Variants in CFAP54 observed in about 807,000 individuals in gnomAD.
CFAP54 encodes the protein cilia and flagella associated protein 54.
Under a neutral mutation model 370.4 loss-of-function variants are expected in CFAP54, and 290 were observed. The ratio of observed to expected loss-of-function variants is 0.78; its 90% confidence interval spans 0.71 to 0.86. CFAP54 has a LOEUF of 0.86. CFAP54 is among the 40% of genes least tolerant of loss of function. The pLI is 0.00. For missense variants in CFAP54, 3,399 were observed against 3,528.7 expected (o/e 0.96, Z 0.93); for synonymous variants, 1,206 against 1,236.5 (o/e 0.98, Z 0.52).
In CFAP54 at chr12:96,507,104, A is replaced by G. The variant is rs1955110677; in HGVS notation, c.739+5A>G. ...TTTGCTGGATTATCTTCAATGGTATATGCTGATGTATTTTATTTTCCATTG... is the reference window on the plus strand; with the variant it reads ...TTTGCTGGATTATCTTCAATGGTATGTGCTGATGTATTTTATTTTCCATTG... On this transcript the variant is annotated splice_donor_5th_base_variant and intron_variant, in intron 4 of 67. Transcript: ENST00000524981. 1.3e-6 allele frequency: 2 copies of G among 1,491,134 alleles called. No individual in the cohort carries two copies. The highest frequency in any genetic ancestry group is 8.9e-7 in the Non-Finnish European group (1 of 1,127,670). 92.4% of individuals were successfully genotyped at this position (1,491,134 alleles called of 1,614,324 possible).
chr12:96,763,800 T>G (rs944873194), intron 58 of CFAP54, among the ~76,000 whole-genome samples: 1 of 152,152 alleles, frequency 6.6e-6, no homozygotes, highest in Admixed American at 6.5e-5. Context: ...TATATAATTT[T>G]TGTTAACTTA....
intron 38 of CFAP54, among the ~76,000 whole-genome samples, chr12:96,663,187 T>C (rs1026212584): frequency 8.5e-5 from 13 of 152,150 alleles, no homozygotes; most frequent in African/African-American, 3.1e-4. Flanking sequence ...CTTCTCATTA[T>C]AAAAGTACTA....
chr12:96,572,393 G>T (rs868790272), intron 19 of CFAP54, among the ~76,000 whole-genome samples: 1 of 152,062 alleles, frequency 6.6e-6, no homozygotes, highest in Non-Finnish European at 1.5e-5. Flanking sequence ...TGAAATGCGT[G>T]GGCAATTCTG....
chr12:96,609,290 GAA>G (rs1280653234), intron 26 of CFAP54, among the ~76,000 whole-genome samples: 4 of 152,128 alleles, frequency 2.6e-5, no homozygotes, highest in Admixed American at 6.5e-5. Context: ...AATTGAGTCT[GAA>G]TTAAAACAAA....
At chr12:96,556,677 A>T (rs1402518691) in intron 17 of CFAP54, among the ~76,000 whole-genome samples, 1 of 152,228 alleles carries the variant, frequency 6.6e-6, no homozygotes, top group Non-Finnish European at 1.5e-5. Flanking sequence ...GGTAGACTGG[A>T]TAAAGAAAAC....
intron 1 of CFAP54, among the ~76,000 whole-genome samples, chr12:96,494,070 C>T (rs776748327): frequency 6.6e-6 from 1 of 151,950 alleles, no homozygotes; most frequent in Non-Finnish European, 1.5e-5. Context: ...ATTTGACTAG[C>T]CAAACAGAGA....
At chr12:96,839,528 C>T (rs376110911) in intron 66 of CFAP54, among the ~76,000 whole-genome samples, 6 of 152,238 alleles carry the variant, frequency 3.9e-5, no homozygotes, top group East Asian at 3.8e-4. Context: ...CTTTCAACCA[C>T]GCATCTTCCC....
intron 66 of CFAP54, among the ~76,000 whole-genome samples, chr12:96,836,644 C>T (rs557480345): frequency 9.2e-5 from 14 of 152,238 alleles, no homozygotes; most frequent in Non-Finnish European, 2.1e-4. Flanking sequence ...TTTTCTCAAG[C>T]TCCTGTTGAA....
chr12:96,492,169 T>C (rs1360732706), intron 1 of CFAP54, among the ~76,000 whole-genome samples: 1 of 152,246 alleles, frequency 6.6e-6, no homozygotes, highest in African/African-American at 2.4e-5. Flanking sequence ...GCAGCCACTC[T>C]GTCTCCAATC....
intron 15 of CFAP54, among the ~76,000 whole-genome samples, chr12:96,549,065 A>C (rs1955668603): frequency 6.6e-6 from 1 of 152,210 alleles, no homozygotes; most frequent in South Asian, 2.1e-4. Context: ...CATGTTAGCC[A>C]GGATGGTCTC....
chr12:96,512,797 T>A (rs1955188020), intron 4 of CFAP54, among the ~76,000 whole-genome samples, 189 bp from the exon 5 acceptor site: 1 of 152,242 alleles, frequency 6.6e-6, no homozygotes, highest in Non-Finnish European at 1.5e-5. Flanking sequence ...ACGGCCATGT[T>A]AATTATTTTA....
chr12:96,854,877 T>C (rs1959656937), intron 66 of CFAP54, among the ~76,000 whole-genome samples: 1 of 152,198 alleles, frequency 6.6e-6, no homozygotes, highest in Non-Finnish European at 1.5e-5. Context: ...TGGGGCTTTG[T>C]TGTACAGATT....
chr12:96,722,438 G>A (rs1407538434), intron 50 of CFAP54, among the ~76,000 whole-genome samples: 1 of 152,250 alleles, frequency 6.6e-6, no homozygotes, highest in South Asian at 2.1e-4. Flanking sequence ...CCTGATACAT[G>A]TTTGAGGGAC....
At chr12:96,714,592 G>C (rs990764717) in intron 48 of CFAP54, among the ~76,000 whole-genome samples, 2 of 152,022 alleles carry the variant, frequency 1.3e-5, no homozygotes, top group African/African-American at 4.8e-5. Flanking sequence ...AGGAAGGAGT[G>C]ATCAATTGAA....
At chr12:96,708,520 C>A in intron 47 of CFAP54, 88 bp from the exon 48 acceptor site, 1 of 1,196,476 alleles carries the variant, frequency 8.4e-7, no homozygotes, top group Non-Finnish European at 1.2e-6. Context: ...TCATCCAACA[C>A]CAAATGTGAA....
rs1429089065 is a variant in CFAP54 at position 96,786,774 on chromosome 12, T to G, written c.8555T>G (p.Phe2852Cys). The change falls in exon 62 of 68, where the codon TTT (phenylalanine) becomes TGT (cysteine). Residue 2852 changes from phenylalanine to cysteine, a missense_variant. Around this residue, in one of 3 missense-constraint regions of CFAP54, gnomAD observed 2,796 missense variants for 2,869.7 expected, o/e 0.97. Coordinates refer to ENST00000524981, the MANE Select transcript of CFAP54 (RefSeq NM_001306084.2). ...ELILRQKEVH[F>C]FLKKFLQLYS... ...ATTTTGCGCCAGAAAGAAGTGCATT[T>G]TTTCCTTAAAAAATTCTTACAGCTG... 4 of 1,535,822 alleles carry G rather than the reference T, an allele frequency of 2.6e-6. No individual in the cohort carries two copies. The African/African-American group carries it at 5.5e-5, about 21-fold the overall frequency.
At chr12:96,692,897 C>T (rs945265550) in intron 44 of CFAP54, among the ~76,000 whole-genome samples, 4 of 152,180 alleles carry the variant, frequency 2.6e-5, no homozygotes, top group East Asian at 1.9e-4. Flanking sequence ...CTTCCTTTGG[C>T]AGGGAAGGCT....
Position 96,794,278 on chromosome 12 carries a change from C to G in CFAP54, c.8850+1779C>G, listed in dbSNP as rs1376670810. ...CTTTGAGCTTCTTGTATTTGGATGT[C>G]TAGATCTCTAGTAAGGCCAGCGACA... On this transcript the variant is annotated intron_variant, in intron 63 of 67. Transcript: ENST00000524981. Among the ~76,000 whole-genome samples, 4 of 152,230 alleles carry G rather than the reference C, an allele frequency of 2.6e-5. 1 individual carries two copies. The Middle Eastern group carries it at 0.01, about 388-fold the overall frequency.
At chr12:96,525,743 T>C (rs185493649) in intron 8 of CFAP54, among the ~76,000 whole-genome samples, 1 of 152,356 alleles carries the variant, frequency 6.6e-6, no homozygotes, top group African/African-American at 2.4e-5. Flanking sequence ...TAGGCTGTAG[T>C]GCAATGGCAT....
Sources: gnomAD v4.1 joint callset for allele counts (sites outside exome capture counted in the v4.1 genomes callset) on GRCh38, gnomAD v4.1.1 for gene constraint, gnomAD v4.1.1 regional missense constraint, MANE v1.5 for transcripts, NCBI Gene and HGNC (gene_info 2026-07-23, HGNC 2026-07-21) for gene names.